The following ME2 variants were observed in gnomAD, a reference collection of about 807,000 sequenced individuals.
The protein encoded by ME2 is NAD-dependent malic enzyme, mitochondrial.
A neutral mutation model predicts 73.7 loss-of-function variants in ME2; 60 were observed. The ratio of observed to expected loss-of-function variants is 0.81; its 90% CI spans 0.66 to 1.01. ME2 has a LOEUF of 1.01. Among genes scored for constraint, ME2 ranks in the 50% least tolerant of loss-of-function variants. The probability of loss-of-function intolerance (pLI) is 0.00; values close to 1 mark genes in which losing one functional copy is unlikely to be tolerated. For synonymous variants in ME2, 199 were observed against 236.9 expected (o/e 0.84, Z 1.47); for missense variants, 594 against 705.5 (o/e 0.84, Z 1.79).
At chr18:50,943,318 G>T (rs2144272866) in intron 15 of ME2, among the ~76,000 whole-genome samples, 1 of 150,692 alleles carries the variant, frequency 6.6e-6, no homozygotes, top group South Asian at 2.1e-4. Flanking sequence ...TATTTATTTT[G>T]AGGCCGAGTT....
chr18:50,938,414 C>T (rs1361182880), intron 13 of ME2, among the ~76,000 whole-genome samples: 1 of 152,148 alleles, frequency 6.6e-6, no homozygotes, highest in Non-Finnish European at 1.5e-5. Flanking sequence ...CAGATTGATG[C>T]TTCTCACCAG....
At chr18:50,924,260 T>G (rs747137060) in intron 11 of ME2, 48 bp downstream of exon 11, 6 of 1,249,532 alleles carry the variant, frequency 4.8e-6, no homozygotes. Context: ...AACTGTATGT[T>G]GCCAGTCATC....
chr18:50,924,213 G>T lies in ME2; in HGVS notation c.1171+1G>T, dbSNP rs974015271. ...ATACTGAAGCCTTCAACTATAATTG[G>T]TAGGTAAAGTTTTTCTGATAAATAA... is the stretch of plus-strand genomic sequence containing the variant. On this transcript the variant is annotated splice_donor_variant, in intron 11 of 15. Coordinates refer to ENST00000321341, the MANE Select transcript of ME2 (RefSeq NM_002396.5). LOFTEE classifies it high-confidence loss of function. 4 of 1,580,908 alleles carry T rather than the reference G, an allele frequency of 2.5e-6. No homozygotes were observed. Among genetic ancestry groups the T allele is most frequent in the Admixed American group, 3.5e-5 (2 of 57,940 alleles).
chr18:50,940,131 G>A (rs1599126349), intron 14 of ME2, 157 bp from the exon 15 acceptor site: 3 of 617,992 alleles, frequency 4.9e-6, no homozygotes, highest in Non-Finnish European at 2.9e-6. Flanking sequence ...GTGATGAACA[G>A]TTTTAATTTC....
At position 50,932,406 on chromosome 18, in the gene ME2, TA is replaced by T. The variant is rs780590054; in HGVS notation, c.1417+51del. The T allele has an allele frequency of 1.6e-5, 23 of 1,425,166 alleles. No homozygotes were observed. In the African/African-American group the frequency reaches 3.1e-4, roughly 19 times the overall value. 88.3% of individuals were successfully genotyped at this position (1,425,166 alleles called of 1,614,324 possible). ...TGTTATAGAGCAATAGTTAATTATGTAAAAATACTTAATGGAATTCTTTGGA... is the reference window on the plus strand; with the variant it reads ...TGTTATAGAGCAATAGTTAATTATGTAAAATACTTAATGGAATTCTTTGGA... On this transcript the variant is annotated intron_variant, in intron 13 of 15. Coordinates refer to ENST00000321341, the MANE Select transcript of ME2 (RefSeq NM_002396.5).
chr18:50,902,082 A>T (rs1281489139), intron 2 of ME2, among the ~76,000 whole-genome samples: 3 of 152,242 alleles, frequency 2.0e-5, no homozygotes, highest in South Asian at 2.1e-4. Flanking sequence ...TGAACCATAG[A>T]TTGCCAGAAC....
At chr18:50,883,860 C>G (rs1267059971) in intron 1 of ME2, among the ~76,000 whole-genome samples, 1 of 151,776 alleles carries the variant, frequency 6.6e-6, no homozygotes, top group African/African-American at 2.4e-5. Flanking sequence ...AAGACTCTGT[C>G]TAAAAAACAA....
At chr18:50,913,007 T>TCC in intron 4 of ME2, 57 bp downstream of exon 4, 1 of 1,398,258 alleles carries the variant, frequency 7.2e-7, no homozygotes, top group Non-Finnish European at 9.7e-7. Context: ...AAAATATCAT[T>TCC]CCATAACACC....
At chr18:50,921,029 G>T (rs758090130) in intron 9 of ME2, 45 bp from the exon 10 acceptor site, 1 of 923,664 alleles carries the variant, frequency 1.1e-6, no homozygotes, top group Admixed American at 2.6e-5. Context: ...TTCAAGCATT[G>T]CATCGTACTC....
At chr18:50,940,984 G>A (rs1917936269) in intron 15 of ME2, among the ~76,000 whole-genome samples, 3 of 151,990 alleles carry the variant, frequency 2.0e-5, no homozygotes, top group Non-Finnish European at 4.4e-5. Context: ...TAGGCTGGGC[G>A]CAGTGGCTTA....
At chr18:50,913,890 C>CACACACACACACACACAT (rs1917224459) in intron 4 of ME2, among the ~76,000 whole-genome samples, 1 of 151,932 alleles carries the variant, frequency 6.6e-6, no homozygotes, top group South Asian at 2.1e-4. Flanking sequence ...CACACACACA[C>CACACACACACACACACAT]ATATGCTGTT....
chr18:50,898,421 G>A (rs1008086012), intron 2 of ME2, among the ~76,000 whole-genome samples: 3 of 151,972 alleles, frequency 2.0e-5, no homozygotes, highest in African/African-American at 7.2e-5. Context: ...TAGAAACCTA[G>A]TATTATTTCA....
intron 7 of ME2, among the ~76,000 whole-genome samples, chr18:50,918,579 C>G (rs1008758246): frequency 5.9e-5 from 9 of 152,164 alleles, no homozygotes; most frequent in African/African-American, 9.7e-5. Context: ...CCATTGGGTC[C>G]TCCCACTTCT....
chr18:50,936,242 G>C (rs1024013347), intron 13 of ME2, among the ~76,000 whole-genome samples: 5 of 152,130 alleles, frequency 3.3e-5, no homozygotes, highest in African/African-American at 1.2e-4. Flanking sequence ...GGAAATACTT[G>C]CCAACCTAGA....
Position 50,879,300 on chromosome 18 carries a change from A to G in ME2, c.-21A>G, listed in dbSNP as rs997209354. 1.9e-4 allele frequency: 29 copies of G among 151,914 alleles called. No homozygotes were observed. Among genetic ancestry groups the G allele is most frequent in the African/African-American group, 6.8e-4 (28 of 41,384 alleles). 9.4% of individuals were successfully genotyped at this position (151,914 alleles called of 1,614,324 possible). ...CGGGTGTACCACCTGTCGCGGCGCG[A>G]GACCTCTGGTAAGGCCCGGCGCGGT... is the stretch of plus-strand genomic sequence containing the variant. On this transcript the variant is annotated 5_prime_UTR_variant, in exon 1 of 16. Transcript: ENST00000321341.
At chr18:50,944,330 T>C (rs941392497) in intron 15 of ME2, among the ~76,000 whole-genome samples, 1 of 152,188 alleles carries the variant, frequency 6.6e-6, no homozygotes, top group Non-Finnish European at 1.5e-5. Flanking sequence ...CAGGTTCATG[T>C]CTCTGCGTTT....
At position 50,917,455 on chromosome 18, in the gene ME2, A is replaced by G; in HGVS notation, c.577A>G (p.Ile193Val). ...KLCLYTACAG[I>V]RPDRCLPVCI... Reference sequence around the variant, plus strand: ...TTGTTTGTATACAGCTTGTGCAGGAATACGGCCTGATAGATGCCTGCCAGT... The same window carrying G: ...TTGTTTGTATACAGCTTGTGCAGGAGTACGGCCTGATAGATGCCTGCCAGT... The change falls in exon 6 of 16, where the codon ATA becomes GTA. Residue 193 changes from isoleucine to valine, a missense_variant. By Grantham distance (29) the Ile-to-Val change is conservative. Transcript: ENST00000321341. The G allele has an allele frequency of 6.2e-7, 1 of 1,613,628 alleles. No individual in the cohort carries two copies. Among genetic ancestry groups the G allele is most frequent in the Non-Finnish European group, 8.5e-7 (1 of 1,179,632 alleles).
chr18:50,933,654 C>G (rs1917749643), intron 13 of ME2: 1 of 151,818 alleles, frequency 6.6e-6, no homozygotes, highest in African/African-American at 2.4e-5. Context: ...TTTAACAAAG[C>G]TATTTTTTTA....
intron 15 of ME2, among the ~76,000 whole-genome samples, chr18:50,942,906 AC>A (rs1174578628): frequency 5.9e-5 from 9 of 152,048 alleles, no homozygotes; most frequent in African/African-American, 2.2e-4. Flanking sequence ...TTTTTCTCTA[AC>A]TATAAATCAG....
Sources: gnomAD v4.1 joint callset for allele counts (sites outside exome capture counted in the v4.1 genomes callset) on GRCh38, gnomAD v4.1.1 for gene constraint, MANE v1.5 for transcripts, NCBI Gene and HGNC (gene_info 2026-07-23, HGNC 2026-07-21) for gene names.